Variants in LRRC4C observed in about 807,000 individuals in gnomAD.
LRRC4C encodes leucine rich repeat containing 4C, also known as leucine-rich repeat-containing protein 4C.
Under a neutral mutation model 33.6 loss-of-function variants are expected in LRRC4C, and 5 were observed. That is an observed-to-expected ratio of 0.15 (90% confidence interval 0.08 to 0.31). The LOEUF (loss-of-function observed/expected upper bound fraction) is 0.31, where lower values mean the gene tolerates loss of function less well. LRRC4C is among the 10% of genes least tolerant of loss of function. The pLI is 1.00. For missense variants in LRRC4C, 560 were observed against 796.7 expected (o/e 0.70, Z 3.58); for synonymous variants, 329 against 302.0 (o/e 1.09, Z -0.93).
intron 2 of LRRC4C, among the ~76,000 whole-genome samples, chr11:40,726,916 T>C (rs1302197311): frequency 6.6e-6 from 1 of 152,172 alleles, no homozygotes; most frequent in South Asian, 2.1e-4. Flanking sequence ...GGTTTCAGTA[T>C]ACAAAATCAA....
intron 1 of LRRC4C, among the ~76,000 whole-genome samples, chr11:41,344,334 C>T (rs1951735488): frequency 6.6e-6 from 1 of 150,800 alleles, no homozygotes; most frequent in South Asian, 2.1e-4. Context: ...CATTCTCCTG[C>T]TTCAGCCTCC....
At chr11:41,084,608 G>T (rs945007719) in intron 1 of LRRC4C, among the ~76,000 whole-genome samples, 2 of 152,094 alleles carry the variant, frequency 1.3e-5, no homozygotes, top group Non-Finnish European at 2.9e-5. Context: ...CAGCACTTTG[G>T]GAGGCCGAGG....
chr11:40,481,331 A>G (rs16934872), intron 3 of LRRC4C, among the ~76,000 whole-genome samples: 2,454 of 152,202 alleles, frequency 0.016, 68 homozygotes, highest in African/African-American at 0.054. Context: ...TCATCTTTCT[A>G]TCTGTCATTA....
At chr11:41,449,537 T>C (rs1305004435) in intron 1 of LRRC4C, among the ~76,000 whole-genome samples, 1 of 151,878 alleles carries the variant, frequency 6.6e-6, no homozygotes, top group African/African-American at 2.4e-5. Flanking sequence ...GTGAGTAAAA[T>C]AGATAGAAAG....
intron 2 of LRRC4C, among the ~76,000 whole-genome samples, chr11:40,889,497 TA>T (rs1955610270): frequency 6.6e-6 from 1 of 152,074 alleles, no homozygotes; most frequent in Non-Finnish European, 1.5e-5. Context: ...CTTATTAAAA[TA>T]AGCATAGAAC....
intron 3 of LRRC4C, among the ~76,000 whole-genome samples, chr11:40,609,675 G>T (rs372141235): frequency 1.7e-4 from 26 of 151,916 alleles, no homozygotes; most frequent in Non-Finnish European, 2.9e-4. Flanking sequence ...AAAAAAGAGA[G>T]AAGACTTAGT....
chr11:41,151,651 A>T (rs1944004527), intron 1 of LRRC4C, among the ~76,000 whole-genome samples: 1 of 152,202 alleles, frequency 6.6e-6, no homozygotes, highest in Admixed American at 6.5e-5. Context: ...TGCACATTCA[A>T]ACCCATGTCC....
At chr11:40,269,741 G>T (rs777606470) in intron 4 of LRRC4C, among the ~76,000 whole-genome samples, 35 of 129,672 alleles carry the variant, frequency 2.7e-4, no homozygotes, top group Admixed American at 1.0e-3. Flanking sequence ...TACTTCAAGG[G>T]ATATACATTT....
At chr11:41,405,618 T>C (rs1018777249) in intron 1 of LRRC4C, among the ~76,000 whole-genome samples, 1 of 152,058 alleles carries the variant, frequency 6.6e-6, no homozygotes, top group African/African-American at 2.4e-5. Context: ...TCAAAAACAT[T>C]CCCCTACAGG....
In LRRC4C at chr11:40,885,651, C is replaced by T. The variant is rs951973460; in HGVS notation, c.-407+47984G>A. ...TGCTATAATTTAGAGACACAGGTATCGTACTGAAAATAAAAATATCAAAAA... is the reference window on the plus strand; with the variant it reads ...TGCTATAATTTAGAGACACAGGTATTGTACTGAAAATAAAAATATCAAAAA... On this transcript the variant is annotated intron_variant, in intron 2 of 6. Coordinates refer to ENST00000528697, the MANE Select transcript of LRRC4C (RefSeq NM_001258419.2). Among the ~76,000 whole-genome samples the T allele has an allele frequency of 3.3e-5, 5 of 152,046 alleles. No individual in the cohort carries two copies. In the East Asian group the frequency reaches 5.8e-4, roughly 18 times the overall value.
chr11:40,509,964 G>A (rs1035595126), intron 3 of LRRC4C, among the ~76,000 whole-genome samples: 29 of 152,182 alleles, frequency 1.9e-4, no homozygotes, highest in African/African-American at 6.3e-4. Context: ...GGCAGTGGAT[G>A]TAAATATAAC....
chr11:40,546,318 A>C (rs1197075948), intron 3 of LRRC4C, among the ~76,000 whole-genome samples: 2 of 152,026 alleles, frequency 1.3e-5, no homozygotes. Flanking sequence ...AGCAACACCA[A>C]GTTCAGTGAA....
intron 5 of LRRC4C, among the ~76,000 whole-genome samples, chr11:40,196,171 C>T (rs1397204996): frequency 6.6e-6 from 1 of 152,120 alleles, no homozygotes; most frequent in East Asian, 1.9e-4. Context: ...GGCAAATGCA[C>T]ACAGGCTTTA....
chr11:40,725,228 C>T (rs1564979880), intron 2 of LRRC4C, among the ~76,000 whole-genome samples: 1 of 152,084 alleles, frequency 6.6e-6, no homozygotes, highest in Admixed American at 6.5e-5. Context: ...AACTGGAGGC[C>T]GGGTGCAGTG....
intron 3 of LRRC4C, among the ~76,000 whole-genome samples, chr11:40,546,090 C>A (rs1397391288): frequency 1.7e-5 from 1 of 58,964 alleles, no homozygotes; most frequent in South Asian, 5.9e-4. Context: ...TCCTACCTTC[C>A]TTCCTTCCTT....
intron 1 of LRRC4C, among the ~76,000 whole-genome samples, chr11:41,416,809 T>C (rs946589928): frequency 6.6e-6 from 1 of 152,016 alleles, no homozygotes; most frequent in Non-Finnish European, 1.5e-5. Flanking sequence ...TTACATACTA[T>C]GTGTGAAAAC....
chr11:41,175,576 T>C (rs1324210686), intron 1 of LRRC4C, among the ~76,000 whole-genome samples: 1 of 152,036 alleles, frequency 6.6e-6, no homozygotes, highest in Non-Finnish European at 1.5e-5. Flanking sequence ...CACTTCCACC[T>C]ACATTTAGTC....
At chr11:40,116,553 A>G (rs1387771391) in intron 6 of LRRC4C, among the ~76,000 whole-genome samples, 2 of 152,186 alleles carry the variant, frequency 1.3e-5, no homozygotes, top group Non-Finnish European at 2.9e-5. Context: ...ATGTATGACC[A>G]CAGAGTAAGG....
At chr11:40,520,086 C>T (rs4756598) in intron 3 of LRRC4C, among the ~76,000 whole-genome samples, 83,152 of 152,000 alleles carry the variant, frequency 0.55, 23,134 homozygotes, top group East Asian at 0.79. Flanking sequence ...TAATTTACCA[C>T]TCTAAAAATC....
Sources: gnomAD v4.1 joint callset for allele counts (sites outside exome capture counted in the v4.1 genomes callset) on GRCh38, gnomAD v4.1.1 for gene constraint, MANE v1.5 for transcripts, NCBI Gene and HGNC (gene_info 2026-07-23, HGNC 2026-07-21) for gene names.